ATRNL1: variants seen among roughly 807,000 people sequenced by gnomAD.
The protein encoded by ATRNL1 is attractin like 1.
A neutral mutation model predicts 182.7 loss-of-function variants in ATRNL1; 95 were observed. The ratio of observed to expected loss-of-function variants is 0.52; its 90% CI spans 0.44 to 0.62. The LOEUF (loss-of-function observed/expected upper bound fraction) is 0.62, where lower values mean the gene tolerates loss of function less well. Among genes scored for constraint, ATRNL1 ranks in the 20% least tolerant of loss-of-function variants. ATRNL1 has a pLI of 0.00. For synonymous variants in ATRNL1, 576 were observed against 568.3 expected (o/e 1.01, Z -0.19); for missense variants, 1,471 against 1,679.5 (o/e 0.88, Z 2.17).
intron 28 of ATRNL1, among the ~76,000 whole-genome samples, chr10:115,899,935 T>G (rs1396413315): frequency 2.0e-5 from 3 of 152,178 alleles, no homozygotes; most frequent in Non-Finnish European, 2.9e-5. Context: ...AAAACTTGAT[T>G]ATAGAGCCAA....
At chr10:115,741,229 A>G (rs1203296918) in intron 27 of ATRNL1, among the ~76,000 whole-genome samples, 4 of 152,192 alleles carry the variant, frequency 2.6e-5, no homozygotes, top group African/African-American at 9.7e-5. Context: ...CATGAAGAAG[A>G]GGAAAAAGGA....
intron 19 of ATRNL1, among the ~76,000 whole-genome samples, chr10:115,364,632 T>G (rs1196369264): frequency 6.6e-6 from 1 of 150,830 alleles, no homozygotes; most frequent in Admixed American, 6.6e-5. Flanking sequence ...TTATTGCCCA[T>G]TCAGTATGAT....
At chr10:115,553,543 A>G (rs1853127113) in intron 26 of ATRNL1, among the ~76,000 whole-genome samples, 1 of 151,406 alleles carries the variant, frequency 6.6e-6, no homozygotes, top group Non-Finnish European at 1.5e-5. Context: ...GACATGCCCA[A>G]TGAGGGATTG....
chr10:115,159,195 T>C (rs1554882709), intron 5 of ATRNL1, among the ~76,000 whole-genome samples: 3 of 151,524 alleles, frequency 2.0e-5, no homozygotes, highest in Non-Finnish European at 4.4e-5. Flanking sequence ...TTTATGCTTA[T>C]AAAAGAAATT....
chr10:115,918,741 T>C (rs1208942708), intron 28 of ATRNL1, among the ~76,000 whole-genome samples: 3 of 152,092 alleles, frequency 2.0e-5, no homozygotes, highest in Non-Finnish European at 4.4e-5. Context: ...GCTAAAGAAG[T>C]TCAGAAGGAG....
chr10:115,921,010 TCC>T (rs1434482741), intron 28 of ATRNL1, among the ~76,000 whole-genome samples: 1 of 152,212 alleles, frequency 6.6e-6, no homozygotes, highest in Non-Finnish European at 1.5e-5. Context: ...GAAATTTCCT[TCC>T]CTTCTACAGT....
chr10:115,921,671 A>G (rs1953067727), intron 28 of ATRNL1, among the ~76,000 whole-genome samples: 2 of 152,220 alleles, frequency 1.3e-5, no homozygotes, highest in African/African-American at 4.8e-5. Context: ...GTTGAGAACA[A>G]GTAGTAGAGA....
Position 115,160,172 on chromosome 10 carries a change from G to A in ATRNL1, c.962G>A (p.Gly321Asp). The A allele has an allele frequency of 1.2e-6, 2 of 1,612,478 alleles. No homozygotes were observed. Among genetic ancestry groups the A allele is most frequent in the East Asian group, 2.2e-5 (1 of 44,812 alleles). ...CACGGGAAATTTATGTGGGTGATTG[G>A]TGGATATACTTTTAACTACAGTTCT... Reference protein sequence around the residue: ...VLHGKFMWVIGGYTFNYSSFQ... With the variant: ...VLHGKFMWVIDGYTFNYSSFQ... Residue 321 changes from glycine to aspartate, a missense_variant, in exon 6 of 29, where the codon GGT becomes GAT. Around this residue, in one of 3 missense-constraint regions of ATRNL1, gnomAD observed 1,031 missense variants for 1,156.0 expected, o/e 0.89. Coordinates refer to ENST00000355044, the MANE Select transcript of ATRNL1 (RefSeq NM_207303.4).
At chr10:115,319,279 C>T (rs1407214879) in intron 18 of ATRNL1, among the ~76,000 whole-genome samples, 1 of 152,128 alleles carries the variant, frequency 6.6e-6, no homozygotes, top group Non-Finnish European at 1.5e-5. Flanking sequence ...AATTCTTTTC[C>T]ATTTGCTGAA....
intron 8 of ATRNL1, among the ~76,000 whole-genome samples, chr10:115,182,831 A>T (rs1166000828): frequency 6.6e-6 from 1 of 151,590 alleles, no homozygotes; most frequent in Non-Finnish European, 1.5e-5. Flanking sequence ...CAGAAACCAC[A>T]GGCAGTGAAG....
At chr10:115,095,325 A>G (rs1298834321) in intron 1 of ATRNL1, among the ~76,000 whole-genome samples, 1 of 151,620 alleles carries the variant, frequency 6.6e-6, no homozygotes, top group Non-Finnish European at 1.5e-5. Flanking sequence ...GTATTCTAGG[A>G]CAATTTCCTG....
intron 19 of ATRNL1, among the ~76,000 whole-genome samples, chr10:115,367,432 C>G (rs533142102): frequency 7.0e-6 from 1 of 142,684 alleles, no homozygotes; most frequent in Admixed American, 7.0e-5. Flanking sequence ...AAATTTTTTT[C>G]AAAGTTTTCA....
rs1554910878 is a variant in ATRNL1 at position 115,266,842 on chromosome 10, T to C, written c.1818T>C (p.Asp606=). 3.7e-6 allele frequency: 6 copies of C among 1,611,916 alleles called. No individual in the cohort carries two copies. In the South Asian group the frequency reaches 4.4e-5, roughly 12 times the overall value. ...GATTTTCTAGTGTACTCCTTAATGA[T>C]ATCCTTGTATACAAGCCTCCAAATT... ...FGGFSSVLLN[D]ILVYKPPNCK... Residue 606 remains aspartate, a synonymous_variant, in exon 12 of 29, where the codon GAT becomes GAC. Transcript: ENST00000355044.
chr10:115,461,676 C>G (rs1554969708), intron 21 of ATRNL1, among the ~76,000 whole-genome samples: 2 of 151,892 alleles, frequency 1.3e-5, no homozygotes, highest in South Asian at 2.1e-4. Context: ...TGTATAGTTT[C>G]CAGAATGTCT....
chr10:115,435,000 T>G (rs1592653029), intron 21 of ATRNL1, among the ~76,000 whole-genome samples: 1 of 151,990 alleles, frequency 6.6e-6, no homozygotes, highest in Non-Finnish European at 1.5e-5. Context: ...GAAGTTTAAT[T>G]GACATTTTAA....
intron 26 of ATRNL1, among the ~76,000 whole-genome samples, chr10:115,660,275 G>T (rs1860601213): frequency 6.6e-6 from 1 of 152,108 alleles, no homozygotes; most frequent in African/African-American, 2.4e-5. Flanking sequence ...GAGATTTCAA[G>T]CCTAAACCTC....
At chr10:115,275,112 C>T (rs1229995987) in intron 13 of ATRNL1, among the ~76,000 whole-genome samples, 1 of 152,180 alleles carries the variant, frequency 6.6e-6, no homozygotes, top group African/African-American at 2.4e-5. Flanking sequence ...GTGGCTTCTT[C>T]TTGGCTTTTC....
At position 115,286,249 on chromosome 10, in the gene ATRNL1, G is replaced by A. The variant is rs1554918833; in HGVS notation, c.2267G>A (p.Gly756Glu). The A allele has an allele frequency of 6.3e-7, 1 of 1,595,554 alleles. No individual in the cohort carries two copies. Among genetic ancestry groups the A allele is most frequent in the Admixed American group, 1.7e-5 (1 of 59,436 alleles). ...HLCGEGWSHI[G>E]DACLRVNSSR... ...TGTGGAGAAGGATGGAGTCATATTGGGGATGCTTGTCTTAGAGTCAATTCC... is the reference window on the plus strand; with the variant it reads ...TGTGGAGAAGGATGGAGTCATATTGAGGATGCTTGTCTTAGAGTCAATTCC... The change falls in exon 15 of 29, where the codon GGG becomes GAG. Residue 756 changes from glycine (G) to glutamate (E), a missense_variant. This residue lies in a region of ATRNL1 where 1,031 missense variants were observed against 1,156.0 expected (regional missense o/e 0.89). Coordinates refer to ENST00000355044, the MANE Select transcript of ATRNL1 (RefSeq NM_207303.4).
At chr10:115,108,761 T>G (rs1289106717) in intron 1 of ATRNL1, among the ~76,000 whole-genome samples, 1 of 152,192 alleles carries the variant, frequency 6.6e-6, no homozygotes, top group Admixed American at 6.5e-5. Context: ...TGTTAGAAAA[T>G]GATTTGGGGC....
Sources: gnomAD v4.1 joint callset for allele counts (sites outside exome capture counted in the v4.1 genomes callset) on GRCh38, gnomAD v4.1.1 for gene constraint, gnomAD v4.1.1 regional missense constraint, MANE v1.5 for transcripts, NCBI Gene and HGNC (gene_info 2026-07-23, HGNC 2026-07-21) for gene names.